TNIK: variants seen among roughly 807,000 people sequenced by gnomAD.
TNIK encodes the protein TRAF2 and NCK-interacting protein kinase.
Under a neutral mutation model 191.3 loss-of-function variants are expected in TNIK, and 49 were observed. That is an observed-to-expected ratio of 0.26 (90% CI 0.20 to 0.32). The LOEUF (loss-of-function observed/expected upper bound fraction) is 0.32, where lower values mean the gene tolerates loss of function less well. Among genes scored for constraint, TNIK ranks in the 10% least tolerant of loss-of-function variants. The pLI is 1.00. For missense variants in TNIK, 1,155 were observed against 1,702.3 expected, an observed-to-expected ratio of 0.68 and a Z score of 5.66; for synonymous variants, 594 against 600.9, an observed-to-expected ratio of 0.99 and a Z score of 0.17.
chr3:171,089,394 T>C (rs1024201891), intron 23 of TNIK, among the ~76,000 whole-genome samples: 3 of 152,238 alleles, frequency 2.0e-5, no homozygotes, highest in Non-Finnish European at 2.9e-5. Context: ...GTTCAAATAC[T>C]GAAAAGCTTT....
At chr3:171,199,242 A>G (rs918272733) in intron 4 of TNIK, among the ~76,000 whole-genome samples, 1 of 151,336 alleles carries the variant, frequency 6.6e-6, no homozygotes, top group Non-Finnish European at 1.5e-5. Flanking sequence ...CTTGCTAGCA[A>G]TTGGTTCCTA....
At chr3:171,111,101 T>C (rs1049722497) in intron 18 of TNIK, among the ~76,000 whole-genome samples, 1 of 152,106 alleles carries the variant, frequency 6.6e-6, no homozygotes, top group Admixed American at 6.5e-5. Flanking sequence ...ATGATCAGCA[T>C]CACTAATCAT....
At chr3:171,232,448 G>C (rs1743776014) in intron 2 of TNIK, among the ~76,000 whole-genome samples, 2 of 152,106 alleles carry the variant, frequency 1.3e-5, no homozygotes, top group South Asian at 2.1e-4. Flanking sequence ...ATGAAAATTA[G>C]AGAAAATGTC....
At chr3:171,261,872 A>G (rs1747668243) in intron 2 of TNIK, among the ~76,000 whole-genome samples, 1 of 152,204 alleles carries the variant, frequency 6.6e-6, no homozygotes, top group Admixed American at 6.5e-5. Flanking sequence ...GTTTGCCGGG[A>G]GGAGACACAA....
At chr3:171,382,478 C>T (rs529736836) in intron 1 of TNIK, among the ~76,000 whole-genome samples, 1 of 152,296 alleles carries the variant, frequency 6.6e-6, no homozygotes, top group East Asian at 1.9e-4. Flanking sequence ...GCCTCAGCCT[C>T]CCAAAGTGCT....
At chr3:171,247,002 G>A (rs1349208642) in intron 2 of TNIK, among the ~76,000 whole-genome samples, 2 of 152,252 alleles carry the variant, frequency 1.3e-5, no homozygotes, top group Non-Finnish European at 2.9e-5. Context: ...GCCAATGTAT[G>A]AGGAAGGGCT....
chr3:171,353,171 C>T (rs1713472562), intron 2 of TNIK, among the ~76,000 whole-genome samples: 1 of 152,176 alleles, frequency 6.6e-6, no homozygotes. Context: ...TAGTAGTCTT[C>T]AGTTAAACCA....
At chr3:171,351,272 T>TGTGTGTGTGC (rs1491465029) in intron 2 of TNIK, among the ~76,000 whole-genome samples, 1 of 122,746 alleles carries the variant, frequency 8.1e-6, no homozygotes, top group Non-Finnish European at 1.7e-5. Flanking sequence ...TATGTATATA[T>TGTGTGTGTGC]GTGTGTGTGT....
At chr3:171,128,123 C>A (rs1015742671) in intron 16 of TNIK, among the ~76,000 whole-genome samples, 3 of 152,126 alleles carry the variant, frequency 2.0e-5, no homozygotes, top group African/African-American at 7.2e-5. Context: ...ACTTAGAGGT[C>A]TTGTTAAATC....
At chr3:171,351,606 T>TTCA (rs1713224387) in intron 2 of TNIK, among the ~76,000 whole-genome samples, 1 of 152,170 alleles carries the variant, frequency 6.6e-6, no homozygotes, top group South Asian at 2.1e-4. Context: ...AGGACAGAGT[T>TTCA]TCAGGGCTAT....
intron 23 of TNIK, among the ~76,000 whole-genome samples, chr3:171,093,178 G>A (rs1046893100): frequency 6.6e-6 from 1 of 152,124 alleles, no homozygotes; most frequent in African/African-American, 2.4e-5. Context: ...ATTTCAATTT[G>A]TCAGGGTCTT....
chr3:171,097,289 A>G (rs2108433474), intron 22 of TNIK, among the ~76,000 whole-genome samples: 1 of 152,324 alleles, frequency 6.6e-6, no homozygotes, highest in Admixed American at 6.5e-5. Flanking sequence ...AGTCTGTAAT[A>G]CTAAAGGCAA....
intron 12 of TNIK, among the ~76,000 whole-genome samples, chr3:171,148,017 C>T (rs1274247799): frequency 6.6e-6 from 1 of 151,822 alleles, no homozygotes; most frequent in Non-Finnish European, 1.5e-5. Context: ...TCCCAATGTT[C>T]TCAGAAATAG....
intron 4 of TNIK, among the ~76,000 whole-genome samples, chr3:171,196,463 G>T (rs2108852466): frequency 6.6e-6 from 1 of 152,246 alleles, no homozygotes; most frequent in South Asian, 2.1e-4. Context: ...TCTAGCTCCA[G>T]CCACTGATTT....
intron 2 of TNIK, among the ~76,000 whole-genome samples, chr3:171,300,016 G>A (rs116139204): frequency 0.014 from 2,112 of 152,280 alleles, 13 homozygotes; most frequent in Non-Finnish European, 0.021. Flanking sequence ...TAATAAACAC[G>A]AATGGTACAC....
intron 3 of TNIK, among the ~76,000 whole-genome samples, chr3:171,218,806 A>C (rs1052357044): frequency 7.7e-6 from 1 of 130,026 alleles, no homozygotes; most frequent in African/African-American, 2.9e-5. Context: ...ATTATATATT[A>C]AATACATATT....
intron 2 of TNIK, among the ~76,000 whole-genome samples, chr3:171,272,922 ATGT>A (rs1433754778): frequency 6.6e-6 from 1 of 152,146 alleles, no homozygotes; most frequent in Admixed American, 6.5e-5. Context: ...CCACGTACTG[ATGT>A]TTGTGCATTT....
intron 15 of TNIK, 52 bp downstream of exon 15, chr3:171,138,139 C>G: frequency 6.8e-7 from 1 of 1,479,872 alleles, no homozygotes; most frequent in Non-Finnish European, 9.0e-7. Context: ...CACACAAACT[C>G]ATTAGAGTCA....
At position 171,188,771 on chromosome 3, in the gene TNIK, T is replaced by C; in HGVS notation, c.570A>G (p.Gly190=). 2 of 1,613,694 alleles carry C rather than the reference T, an allele frequency of 1.2e-6. No homozygotes were observed. The highest frequency in any genetic ancestry group is 1.7e-6 in the Non-Finnish European group (2 of 1,179,676). The change falls in exon 7 of 33, where the codon GGA becomes GGG. Residue 190 remains glycine, a synonymous_variant. Coordinates refer to ENST00000436636, the MANE Select transcript of TNIK (RefSeq NM_015028.4). ...RTVGRRNTFI[G]TPYWMAPEVI... is the part of the protein sequence containing the mutation. Reference sequence around the variant, plus strand: ...CTTCTGGTGCCATCCAGTAGGGAGTTCCAATGAAAGTATTCCTCCTGCCCA... The same window carrying C: ...CTTCTGGTGCCATCCAGTAGGGAGTCCCAATGAAAGTATTCCTCCTGCCCA...
Sources: allele counts gnomAD v4.1 joint callset (sites outside exome capture counted in the v4.1 genomes callset), GRCh38; gene constraint gnomAD v4.1.1; transcripts MANE v1.5; gene names NCBI Gene and HGNC (gene_info 2026-07-23, HGNC 2026-07-21).